PTPRD: variants seen among roughly 807,000 people sequenced by gnomAD.
PTPRD encodes the protein protein tyrosine phosphatase receptor type D.
PTPRD carries 34 observed loss-of-function variants against 214.5 expected under a neutral mutation model. The ratio of observed to expected loss-of-function variants is 0.16; its 90% confidence interval spans 0.12 to 0.21. The LOEUF (loss-of-function observed/expected upper bound fraction) is 0.21. Ranked by LOEUF, PTPRD falls within the 10% of genes least tolerant of loss-of-function variation. PTPRD has a pLI of 1.00. For synonymous variants in PTPRD, 1,128 were observed against 845.7 expected, an observed-to-expected ratio of 1.33 and a Z score of -5.79; for missense variants, 2,545 against 2,398.7, an observed-to-expected ratio of 1.06 and a Z score of -1.27.
At chr9:9,569,281 A>G (rs1411933436) in intron 8 of PTPRD, among the ~76,000 whole-genome samples, 2 of 149,400 alleles carry the variant, frequency 1.3e-5, no homozygotes, top group East Asian at 3.9e-4. Context: ...GCAGAGGGGA[A>G]AAAAAAAAGG....
At chr9:10,216,258 G>A (rs1212235859) in intron 3 of PTPRD, among the ~76,000 whole-genome samples, 1 of 151,732 alleles carries the variant, frequency 6.6e-6, no homozygotes, top group South Asian at 2.1e-4. Context: ...AGCCTCCCTG[G>A]CCTCACTGCA....
At chr9:9,221,474 C>T (rs1414613331) in intron 9 of PTPRD, among the ~76,000 whole-genome samples, 1 of 152,050 alleles carries the variant, frequency 6.6e-6, no homozygotes, top group Non-Finnish European at 1.5e-5. Flanking sequence ...TATATTACCT[C>T]ACATGTCTGG....
intron 5 of PTPRD, among the ~76,000 whole-genome samples, chr9:9,814,488 A>G (rs920534382): frequency 1.3e-5 from 2 of 152,174 alleles, no homozygotes; most frequent in African/African-American, 4.8e-5. Flanking sequence ...TTTATACACT[A>G]ACAATTAACT....
intron 17 of PTPRD, among the ~76,000 whole-genome samples, chr9:8,526,017 G>C (rs943533093): frequency 1.8e-4 from 27 of 152,042 alleles, no homozygotes; most frequent in African/African-American, 6.5e-4. Context: ...CTGTCAGATT[G>C]TAGACGAGTG....
At chr9:10,449,330 C>T (rs1259181891) in intron 2 of PTPRD, among the ~76,000 whole-genome samples, 2 of 151,976 alleles carry the variant, frequency 1.3e-5, no homozygotes, top group South Asian at 2.1e-4. Flanking sequence ...CGGAGTCTCG[C>T]TCACTCAGTG....
chr9:9,449,999 C>G (rs2091661928), intron 8 of PTPRD, among the ~76,000 whole-genome samples: 1 of 151,842 alleles, frequency 6.6e-6, no homozygotes, highest in Non-Finnish European at 1.5e-5. Flanking sequence ...TTTTCCATTC[C>G]TGAGTTACTT....
chr9:10,026,487 G>A (rs1016188200), intron 4 of PTPRD, among the ~76,000 whole-genome samples: 1 of 152,156 alleles, frequency 6.6e-6, no homozygotes, highest in Non-Finnish European at 1.5e-5. Flanking sequence ...CAAGAGTCAT[G>A]GAAATAACTG....
chr9:8,524,717 T>A (rs1357636461), intron 18 of PTPRD: 2 of 699,778 alleles, frequency 2.9e-6, no homozygotes, highest in Non-Finnish European at 5.2e-6. Flanking sequence ...ACTCCAAGCC[T>A]CAGGACAGAT....
chr9:9,795,733 A>G (rs572690729), intron 5 of PTPRD, among the ~76,000 whole-genome samples: 1 of 152,240 alleles, frequency 6.6e-6, no homozygotes, highest in South Asian at 2.1e-4. Flanking sequence ...ACACCTGTGT[A>G]TGAAGTTGCA....
chr9:8,500,295 CAA>C (rs1387861719), intron 24 of PTPRD, among the ~76,000 whole-genome samples: 1 of 150,934 alleles, frequency 6.6e-6, no homozygotes, highest in African/African-American at 2.4e-5. Context: ...TTTCTCATAT[CAA>C]AGTTATTCCA....
At chr9:8,661,435 CAT>C (rs1172292230) in intron 12 of PTPRD, among the ~76,000 whole-genome samples, 2 of 151,676 alleles carry the variant, frequency 1.3e-5, no homozygotes, top group African/African-American at 2.4e-5. Flanking sequence ...CTATGCCTGA[CAT>C]ATAGAAAAAA....
At chr9:9,437,412 A>G (rs984867676) in intron 8 of PTPRD, among the ~76,000 whole-genome samples, 1 of 149,044 alleles carries the variant, frequency 6.7e-6, no homozygotes, top group Admixed American at 6.8e-5. Flanking sequence ...TGTAATCACA[A>G]TGATGCCCCC....
intron 11 of PTPRD, among the ~76,000 whole-genome samples, chr9:8,908,416 A>C (rs1021297072): frequency 3.3e-5 from 5 of 152,188 alleles, no homozygotes; most frequent in African/African-American, 1.2e-4. Flanking sequence ...TATTATAATT[A>C]AATAAGAAAT....
chr9:8,857,352 G>A lies in PTPRD; in HGVS notation c.-103-123406C>T, dbSNP rs1202001436. ...GCCCACCCTAGGAGGAGAGAGCGGG[G>A]GTCGCACAAATACACATACCCGGAC... is the stretch of plus-strand genomic sequence containing the variant. On this transcript the variant is annotated intron_variant, in intron 11 of 45. Coordinates refer to ENST00000381196, the MANE Select transcript of PTPRD (RefSeq NM_002839.4). Among the ~76,000 whole-genome samples, 8 of 152,246 alleles carry A rather than the reference G, an allele frequency of 5.3e-5. 1 individual carries two copies. In the South Asian group the frequency reaches 1.5e-3, roughly 28 times the overall value.
At chr9:10,057,161 G>A (rs535681764) in intron 3 of PTPRD, among the ~76,000 whole-genome samples, 1 of 152,198 alleles carries the variant, frequency 6.6e-6, no homozygotes, top group East Asian at 1.9e-4. Context: ...GAGATGCTGT[G>A]GCTGTGAATC....
chr9:9,134,679 C>G (rs1277614034), intron 10 of PTPRD, among the ~76,000 whole-genome samples: 2 of 152,194 alleles, frequency 1.3e-5, no homozygotes, highest in Admixed American at 1.3e-4. Context: ...TGGCTGCTTC[C>G]TCTGGCTATT....
At chr9:8,375,427 C>T (rs971861931) in intron 39 of PTPRD, among the ~76,000 whole-genome samples, 2 of 151,910 alleles carry the variant, frequency 1.3e-5, no homozygotes, top group Non-Finnish European at 2.9e-5. Flanking sequence ...TTTTAAAAAT[C>T]AAATTAGTGA....
chr9:9,050,612 C>G (rs913351369), intron 10 of PTPRD, among the ~76,000 whole-genome samples: 3 of 152,156 alleles, frequency 2.0e-5, no homozygotes, highest in Admixed American at 6.5e-5. Context: ...AATTGCATCA[C>G]TCTGAGTAGA....
chr9:10,243,602 C>T (rs1009003879), intron 3 of PTPRD, among the ~76,000 whole-genome samples: 1 of 151,908 alleles, frequency 6.6e-6, no homozygotes, highest in Non-Finnish European at 1.5e-5. Flanking sequence ...CCACAATTTT[C>T]TTCTGAAATC....
Sources: gnomAD v4.1 joint callset for allele counts (sites outside exome capture counted in the v4.1 genomes callset) on GRCh38, gnomAD v4.1.1 for gene constraint, MANE v1.5 for transcripts, NCBI Gene and HGNC (gene_info 2026-07-23, HGNC 2026-07-21) for gene names.